The following PCDHGA10 variants were observed in gnomAD, a reference collection of about 807,000 sequenced individuals.
The protein encoded by PCDHGA10 is protocadherin gamma-A10.
PCDHGA10 carries 42 observed loss-of-function variants against 59.5 expected under a neutral mutation model. The ratio of observed to expected loss-of-function variants is 0.71; its 90% CI spans 0.55 to 0.91. PCDHGA10 has a LOEUF of 0.91. Ranked by LOEUF, PCDHGA10 falls within the 40% of genes least tolerant of loss-of-function variation. The pLI, the probability that PCDHGA10 is intolerant of heterozygous loss-of-function variation, is 0.00. For synonymous variants in PCDHGA10, 511 were observed against 517.2 expected (o/e 0.99, Z 0.16); for missense variants, 1,111 against 1,198.2 (o/e 0.93, Z 1.07).
At chr5:141,441,948 G>A in intron 1 of PCDHGA10, 1 of 332,472 alleles carries the variant, frequency 3.0e-6, no homozygotes, top group Non-Finnish European at 5.8e-6. Flanking sequence ...ACGTGCTGCA[G>A]GCCAGCAAGC....
At position 141,485,044 on chromosome 5, in the gene PCDHGA10, G is replaced by A; in HGVS notation, c.2437-9763G>A. 2 of 737,674 alleles carry A rather than the reference G, an allele frequency of 2.7e-6. No individual in the cohort carries two copies. The highest frequency in any genetic ancestry group is 1.8e-5 in the African/African-American group (1 of 56,792). The allele number at this position is 737,674 out of a possible 1,614,324, so 45.7% of individuals were successfully genotyped here. A position where few individuals can be genotyped will look rare whatever the true frequency, so the allele number is the denominator to read the frequency against. ...GCAAAAACGGCGCGTAACCCTTGCG[G>A]CGCCGGCCGAACCGCGCCAGAGCTG... On this transcript the variant is annotated intron_variant, in intron 1 of 3. Coordinates refer to ENST00000398610, the MANE Select transcript of PCDHGA10 (RefSeq NM_018913.3). This position sits in a 1 kb window ranked among gnomAD's most constrained non-coding sequence, Gnocchi z 5.7.
rs1252476580 is a variant in PCDHGA10 at position 141,415,194 on chromosome 5, C to T, written c.2019C>T (p.Pro673=). 2 of 1,614,064 alleles carry T rather than the reference C, an allele frequency of 1.2e-6. No homozygotes were observed. The highest frequency in any genetic ancestry group is 1.7e-6 in the Non-Finnish European group (2 of 1,180,030). ...TLTVAVADSI[P]QVLADLGSFE... Reference sequence around the variant, plus strand: ...CCGTGGCCGTGGCCGACAGCATCCCCCAAGTCCTGGCGGACCTCGGCAGCT... The same window carrying T: ...CCGTGGCCGTGGCCGACAGCATCCCTCAAGTCCTGGCGGACCTCGGCAGCT... Residue 673 remains proline (P), a synonymous_variant, in exon 1 of 4, where the codon CCC becomes CCT. Transcript: ENST00000398610.
chr5:141,413,063 T>G lies in PCDHGA10; in HGVS notation c.-113T>G. The G allele has an allele frequency of 1.8e-6, 2 of 1,142,610 alleles. No individual in the cohort carries two copies. The highest frequency in any genetic ancestry group is 5.1e-5 in the East Asian group (2 of 39,384). 70.8% of individuals were successfully genotyped at this position (1,142,610 alleles called of 1,614,324 possible). A position where few individuals can be genotyped will look rare whatever the true frequency, so the allele number is the denominator to read the frequency against. ...GGCTGCAGGGAAGCTCACTCCAGAA[T>G]TTAAAGTGCCCAGGCTACAGAGACA... On this transcript the variant is annotated 5_prime_UTR_variant, in exon 1 of 4. Coordinates refer to ENST00000398610, the MANE Select transcript of PCDHGA10 (RefSeq NM_018913.3).
At chr5:141,466,765 G>A (rs1199343616) in intron 1 of PCDHGA10, among the ~76,000 whole-genome samples, 1 of 151,996 alleles carries the variant, frequency 6.6e-6, no homozygotes, top group African/African-American at 2.4e-5. Context: ...TTTTCAAACT[G>A]TTATCTTATT....
intron 2 of PCDHGA10, among the ~76,000 whole-genome samples, chr5:141,504,926 TGGTG>T (rs1312481961): frequency 1.3e-5 from 2 of 151,946 alleles, no homozygotes; most frequent in Non-Finnish European, 2.9e-5. Context: ...GGCTCTCTCA[TGGTG>T]GGTGGGGGAA....
In PCDHGA10 at chr5:141,422,440, T is replaced by G. The variant is rs1028472076; in HGVS notation, c.2436+6829T>G. 11 of 1,610,116 alleles carry G rather than the reference T, an allele frequency of 6.8e-6. No homozygotes were observed. The highest frequency in any genetic ancestry group is 2.7e-5 in the African/African-American group (2 of 74,560). On this transcript the variant is annotated intron_variant, in intron 1 of 3. Transcript: ENST00000398610. ...AAAGACTTATGGAAATTATTACAAATTGATAACAAGCAGAGTGCTGGACAG... is the reference window on the plus strand; with the variant it reads ...AAAGACTTATGGAAATTATTACAAAGTGATAACAAGCAGAGTGCTGGACAG...
intron 1 of PCDHGA10, among the ~76,000 whole-genome samples, chr5:141,480,274 G>A (rs111260319): frequency 6.6e-6 from 1 of 152,036 alleles, no homozygotes; most frequent in Non-Finnish European, 1.5e-5. Context: ...CATTAGCTGG[G>A]TGTGTTGGCA....
intron 1 of PCDHGA10, chr5:141,471,430 G>A (rs2099257545): frequency 6.6e-6 from 1 of 152,140 alleles, no homozygotes; most frequent in South Asian, 2.1e-4. Flanking sequence ...CAAGGAAAGT[G>A]TATAATCTCA....
At chr5:141,457,802 T>C (rs1332412750) in intron 1 of PCDHGA10, among the ~76,000 whole-genome samples, 1 of 152,210 alleles carries the variant, frequency 6.6e-6, no homozygotes, top group Non-Finnish European at 1.5e-5. Context: ...TCCTCTCCTC[T>C]TGAGGTCCCA....
chr5:141,435,396 G>A (rs562717014), intron 1 of PCDHGA10, among the ~76,000 whole-genome samples: 46 of 152,096 alleles, frequency 3.0e-4, no homozygotes, highest in African/African-American at 9.4e-4. Context: ...TTGCCATGAC[G>A]AAAAATGGTA....
In PCDHGA10 at chr5:141,487,186, A is replaced by G; in HGVS notation, c.2437-7621A>G. 4 of 1,613,760 alleles carry G rather than the reference A, an allele frequency of 2.5e-6. No individual in the cohort carries two copies. The highest frequency in any genetic ancestry group is 2.5e-6 in the Non-Finnish European group (3 of 1,179,662). ...TGTCCTTAGAGGAAGACACTCATCC[A>G]GTTGTCCCAGATCTTCGAGAATCTT... is the stretch of plus-strand genomic sequence containing the variant. On this transcript the variant is annotated intron_variant, in intron 1 of 3. Coordinates refer to ENST00000398610, the MANE Select transcript of PCDHGA10 (RefSeq NM_018913.3). This position sits in a 1 kb window ranked among gnomAD's most constrained non-coding sequence, Gnocchi z 5.0.
chr5:141,508,043 T>A (rs2099865910), intron 3 of PCDHGA10: 1 of 152,252 alleles, frequency 6.6e-6, no homozygotes, highest in Non-Finnish European at 1.5e-5. Context: ...CAGCCAGCTG[T>A]GTTCCAGCTA....
chr5:141,451,976 A>T (rs2098729884), intron 1 of PCDHGA10, among the ~76,000 whole-genome samples: 1 of 152,164 alleles, frequency 6.6e-6, no homozygotes, highest in Non-Finnish European at 1.5e-5. Flanking sequence ...TTTTTGCTGT[A>T]GTTTGTTCAT....
Position 141,494,770 on chromosome 5 carries a change from C to T in PCDHGA10, c.2437-37C>T, listed in dbSNP as rs767006872. 43 of 1,614,022 alleles carry T rather than the reference C, an allele frequency of 2.7e-5. No homozygotes were observed. In the East Asian group the frequency reaches 7.6e-4, roughly 28 times the overall value. On this transcript the variant is annotated intron_variant, in intron 1 of 3. Coordinates refer to ENST00000398610, the MANE Select transcript of PCDHGA10 (RefSeq NM_018913.3). ...GCTCGGGTGACATTCTAACTTCTCA[C>T]GGGTACTCAGCCCCTTTCCCTCTGT...
chr5:141,463,927 A>G (rs1454864391), intron 1 of PCDHGA10, among the ~76,000 whole-genome samples: 1 of 152,206 alleles, frequency 6.6e-6, no homozygotes, highest in Non-Finnish European at 1.5e-5. Flanking sequence ...AAATCATTCT[A>G]TATAAATTTA....
Position 141,477,968 on chromosome 5 carries a change from C to T in PCDHGA10, c.2437-16839C>T. 6.2e-7 allele frequency: 1 copy of T among 1,614,140 alleles called. No individual in the cohort carries two copies. Among genetic ancestry groups the T allele is most frequent in the Non-Finnish European group, 8.5e-7 (1 of 1,180,042 alleles). The stretch of plus-strand genomic sequence containing the variant: ...TCTCTTGGGATCCCCTAACCAGAGC[C>T]TTTTTGCCATAGGGCTGCACACTGG... On this transcript the variant is annotated intron_variant, in intron 1 of 3. Transcript: ENST00000398610. The surrounding 1 kb of genome is among the most constrained non-coding windows in gnomAD (Gnocchi z 4.9).
rs1228831823 is a variant in PCDHGA10, at chr5:141,487,778, T to C, written c.2437-7029T>C. ...GGTAGACGCTGTGCTTTGTAACTGT[T>C]TCGTGAATTAACCAGAGTTGTCACA... On this transcript the variant is annotated intron_variant, in intron 1 of 3. Coordinates refer to ENST00000398610, the MANE Select transcript of PCDHGA10 (RefSeq NM_018913.3). The surrounding 1 kb of genome is among the most constrained non-coding windows in gnomAD (Gnocchi z 5.0). The C allele has an allele frequency of 6.5e-7, 1 of 1,531,514 alleles. No individual in the cohort carries two copies. The highest frequency in any genetic ancestry group is 2.0e-5 in the Admixed American group (1 of 49,632). 94.9% of individuals were successfully genotyped at this position (1,531,514 alleles called of 1,614,324 possible).
chr5:141,487,477 C>A lies in PCDHGA10; in HGVS notation c.2437-7330C>A, dbSNP rs748435479. On this transcript the variant is annotated intron_variant, in intron 1 of 3. Transcript: ENST00000398610. The surrounding 1 kb of genome is among the most constrained non-coding windows in gnomAD (Gnocchi z 5.0). ...TCAAGTTTGTTGATGTGGGAGGCCA[C>A]TCTCATGGCTGTACACCCTTGGCTT... 1 of 1,614,200 alleles carries A rather than the reference C, an allele frequency of 6.2e-7. No individual in the cohort carries two copies. The highest frequency in any genetic ancestry group is 1.7e-5 in the Admixed American group (1 of 60,030).
chr5:141,451,205 C>G (rs1023049434), intron 1 of PCDHGA10, among the ~76,000 whole-genome samples: 2 of 152,142 alleles, frequency 1.3e-5, no homozygotes, highest in African/African-American at 4.8e-5. Flanking sequence ...TATCCCAAAA[C>G]TTAGTGGCTT....
Sources: gnomAD v4.1 joint callset for allele counts (sites outside exome capture counted in the v4.1 genomes callset) on GRCh38, gnomAD v4.1.1 for gene constraint, Gnocchi (gnomAD v3.1) non-coding constraint, MANE v1.5 for transcripts, NCBI Gene and HGNC (gene_info 2026-07-23, HGNC 2026-07-21) for gene names.